Variants in OSBP2 observed in about 807,000 individuals in gnomAD.
OSBP2 encodes the protein oxysterol-binding protein 2.
In OSBP2, 66 loss-of-function variants were observed where a neutral mutation model predicts 96.0. The ratio of observed to expected loss-of-function variants is 0.69; its 90% CI spans 0.56 to 0.84. The LOEUF (loss-of-function observed/expected upper bound fraction) is 0.84. Ranked by LOEUF, OSBP2 falls within the 40% of genes least tolerant of loss-of-function variation. The probability of loss-of-function intolerance (pLI) is 0.00; values close to 1 mark genes in which losing one functional copy is unlikely to be tolerated. For missense variants in OSBP2, 1,038 were observed against 1,222.7 expected, an observed-to-expected ratio of 0.85 and a Z score of 2.25; for synonymous variants, 525 against 520.9, an observed-to-expected ratio of 1.01 and a Z score of -0.11.
chr22:30,881,856 AC>A lies in OSBP2; in HGVS notation c.1108-5568del. ...ACGGGCTCTCTGCATCCATGGGGTG[AC>A]CAGGCAGCTCATGTGCTGTGGGGGT... On this transcript the variant is annotated intron_variant, in intron 3 of 13. Transcript: ENST00000332585. This position sits in a 1 kb window ranked among gnomAD's most constrained non-coding sequence, Gnocchi z 4.5. 7.7e-7 allele frequency: 1 copy of A among 1,294,490 alleles called. No individual in the cohort carries two copies. The allele number at this position is 1,294,490 out of a possible 1,614,324, so 80.2% of individuals were successfully genotyped here.
chr22:30,783,965 T>C (rs937575543), intron 2 of OSBP2, among the ~76,000 whole-genome samples: 2 of 152,208 alleles, frequency 1.3e-5, no homozygotes, highest in Non-Finnish European at 2.9e-5. Flanking sequence ...GCCTTCAGCA[T>C]GTATCTGCAG....
At chr22:30,727,086 C>T (rs1490953977) in intron 1 of OSBP2, among the ~76,000 whole-genome samples, 1 of 152,140 alleles carries the variant, frequency 6.6e-6, no homozygotes, top group African/African-American at 2.4e-5. Context: ...TGTGGAGCCC[C>T]AGCCTATGCA....
At chr22:30,760,403 A>T (rs1038298536) in intron 2 of OSBP2, among the ~76,000 whole-genome samples, 3 of 152,210 alleles carry the variant, frequency 2.0e-5, no homozygotes, top group African/African-American at 7.2e-5. Context: ...ATCTTCAACA[A>T]AATATTAACA....
At chr22:30,720,257 A>G (rs2089526646) in intron 1 of OSBP2, among the ~76,000 whole-genome samples, 1 of 152,178 alleles carries the variant, frequency 6.6e-6, no homozygotes, top group South Asian at 2.1e-4. Context: ...GTTTCCATGG[A>G]TCATGAATTC....
intron 2 of OSBP2, among the ~76,000 whole-genome samples, chr22:30,856,880 G>C (rs969431734): frequency 1.3e-5 from 2 of 152,098 alleles, no homozygotes; most frequent in African/African-American, 2.4e-5. Context: ...TCCTCCCCAG[G>C]TGGCTGAGCG....
intron 2 of OSBP2, chr22:30,773,119 T>TTTTGG (rs2090375331): frequency 6.6e-6 from 1 of 150,552 alleles, no homozygotes; most frequent in Non-Finnish European, 1.5e-5. Flanking sequence ...TTTTTTTTTT[T>TTTTGG]GAGATGGAGT....
chr22:30,856,617 C>A (rs2039085150), intron 2 of OSBP2, among the ~76,000 whole-genome samples: 1 of 151,736 alleles, frequency 6.6e-6, no homozygotes, highest in Non-Finnish European at 1.5e-5. Flanking sequence ...GAACTCCTGA[C>A]CTCAAGTGAT....
At chr22:30,902,051 A>G (rs761039188) in intron 12 of OSBP2, among the ~76,000 whole-genome samples, 4 of 150,830 alleles carry the variant, frequency 2.7e-5, no homozygotes, top group Non-Finnish European at 5.9e-5. Context: ...GAATATATAC[A>G]GTAGCTAAAA....
chr22:30,767,138 C>CAAAAAAA (rs1156950666), intron 2 of OSBP2, among the ~76,000 whole-genome samples: 6 of 78,492 alleles, frequency 7.6e-5, no homozygotes, highest in African/African-American at 1.4e-4. Flanking sequence ...ACTAAAAATA[C>CAAAAAAA]AAAAAAAAAA....
intron 2 of OSBP2, among the ~76,000 whole-genome samples, chr22:30,745,829 A>T (rs1203568350): frequency 6.6e-6 from 1 of 152,180 alleles, no homozygotes; most frequent in African/African-American, 2.4e-5. Context: ...GACTCGAATT[A>T]CTGAAATCAG....
intron 2 of OSBP2, among the ~76,000 whole-genome samples, chr22:30,773,921 A>G (rs1236481764): frequency 3.3e-5 from 5 of 152,186 alleles, no homozygotes; most frequent in African/African-American, 4.8e-5. Context: ...GGCAGTCACC[A>G]TATTAGCCCT....
intron 2 of OSBP2, among the ~76,000 whole-genome samples, chr22:30,868,046 C>T (rs2039381260): frequency 6.6e-6 from 1 of 152,264 alleles, no homozygotes. Flanking sequence ...ATTTCCTCAC[C>T]TCATGGCCCT....
intron 2 of OSBP2, among the ~76,000 whole-genome samples, chr22:30,775,889 C>A (rs2145797604): frequency 6.6e-6 from 1 of 151,792 alleles, no homozygotes; most frequent in South Asian, 2.1e-4. Context: ...TGCTGCCTCC[C>A]AGGTTCAAGT....
chr22:30,733,866 C>T (rs2089815215), intron 1 of OSBP2, among the ~76,000 whole-genome samples: 1 of 152,188 alleles, frequency 6.6e-6, no homozygotes. Flanking sequence ...GGTAAATTCT[C>T]TTGCAGTTAA....
At position 30,741,284 on chromosome 22, in the gene OSBP2, C is replaced by T. The variant is rs369476383; in HGVS notation, c.768C>T (p.Ala256=). The change falls in exon 2 of 14, where the codon GCC becomes GCT. Residue 256 remains alanine, a synonymous_variant. Coordinates refer to ENST00000332585, the MANE Select transcript of OSBP2 (RefSeq NM_030758.4). ...GGGCCAGGAGCTACCACCTCAAGGC[C>T]AGCTCAGAGGTGGACCGGCAGCAGT... is the stretch of plus-strand genomic sequence containing the variant. The part of the protein sequence containing the change: ...TSGARSYHLK[A]SSEVDRQQWI... The T allele has an allele frequency of 6.2e-7, 1 of 1,613,888 alleles. No homozygotes were observed. The highest frequency in any genetic ancestry group is 8.5e-7 in the Non-Finnish European group (1 of 1,180,034).
rs138465440 is a variant in OSBP2 at position 30,843,671 on chromosome 22, C to T, written c.854-26758C>T. 3.1e-3 allele frequency among the ~76,000 whole-genome samples: 475 copies of T among 152,166 alleles called. 3 individuals are homozygous for T. Among genetic ancestry groups the T allele is most frequent in the African/African-American group, 0.011 (463 of 41,522 alleles). ...TTGAGCTCAGGAGTTTAAGACCAGCCTGGGCAACATAGTGAAACCCCATCT... is the reference window on the plus strand; with the variant it reads ...TTGAGCTCAGGAGTTTAAGACCAGCTTGGGCAACATAGTGAAACCCCATCT... On this transcript the variant is annotated intron_variant, in intron 2 of 13. Transcript: ENST00000332585.
chr22:30,774,516 G>T (rs1378810796), intron 2 of OSBP2, among the ~76,000 whole-genome samples: 8 of 152,190 alleles, frequency 5.3e-5, no homozygotes, highest in African/African-American at 1.9e-4. Context: ...CAAAAGGTGT[G>T]TCCCTAAACA....
chr22:30,837,595 A>T (rs1017483105), intron 2 of OSBP2, among the ~76,000 whole-genome samples: 2 of 152,234 alleles, frequency 1.3e-5, no homozygotes, highest in Non-Finnish European at 2.9e-5. Flanking sequence ...TTGTCATTCC[A>T]AATGGCATTT....
chr22:30,769,515 G>A (rs749464003), intron 2 of OSBP2, among the ~76,000 whole-genome samples: 6 of 152,086 alleles, frequency 3.9e-5, no homozygotes, highest in Non-Finnish European at 7.4e-5. Context: ...TGGGTGTGGT[G>A]GCACGCACCT....
Sources: gnomAD v4.1 joint callset for allele counts (sites outside exome capture counted in the v4.1 genomes callset) on GRCh38, gnomAD v4.1.1 for gene constraint, Gnocchi (gnomAD v3.1) non-coding constraint, MANE v1.5 for transcripts, NCBI Gene and HGNC (gene_info 2026-07-23, HGNC 2026-07-21) for gene names.